CCNJL: variants seen among roughly 807,000 people sequenced by gnomAD.
CCNJL encodes the protein cyclin J like, also known as cyclin-J-like protein.
Under a neutral mutation model 33.4 loss-of-function variants are expected in CCNJL, and 33 were observed. The observed-to-expected ratio is 0.99, with a 90% confidence interval of 0.75 to 1.32. CCNJL has a LOEUF of 1.32. Ranked by LOEUF, CCNJL falls within the 40% of genes most tolerant of loss-of-function variation. The pLI is 0.00. For synonymous variants in CCNJL, 227 were observed against 220.9 expected, an observed-to-expected ratio of 1.03 and a Z score of -0.24; for missense variants, 512 against 499.7, an observed-to-expected ratio of 1.02 and a Z score of -0.23.
rs886680905 is a variant in CCNJL, at chr5:160,250,092, CT to C, written c.*3285del. On this transcript the variant is annotated 3_prime_UTR_variant, in exon 6 of 6. Transcript: ENST00000257536. ...CCTCCAGCATGGGAATTAACACAAT[CT>C]TACATGGGAGTGCCCAAGGGTGGAA... 6.6e-6 allele frequency: 1 copy of C among 152,172 alleles called. No homozygotes were observed. Among genetic ancestry groups the C allele is most frequent in the African/African-American group, 2.4e-5 (1 of 41,450 alleles). 9.4% of individuals were successfully genotyped at this position (152,172 alleles called of 1,614,324 possible).
intron 2 of CCNJL, among the ~76,000 whole-genome samples, chr5:160,309,037 A>G (rs12659739): frequency 0.26 from 39,549 of 152,142 alleles, 5,335 homozygotes; most frequent in South Asian, 0.28. Flanking sequence ...GGAAGGGGTA[A>G]GAGACAAGGT....
intron 2 of CCNJL, among the ~76,000 whole-genome samples, chr5:160,296,785 G>C (rs886826618): frequency 6.6e-6 from 1 of 152,158 alleles, no homozygotes; most frequent in Non-Finnish European, 1.5e-5. Flanking sequence ...CTTCACACCT[G>C]TCTCTGCCTG....
chr5:160,300,347 C>A (rs1431788913), intron 2 of CCNJL, among the ~76,000 whole-genome samples: 1 of 152,138 alleles, frequency 6.6e-6, no homozygotes, highest in African/African-American at 2.4e-5. Context: ...CAGGTCTCAG[C>A]CCAGTTCCGT....
At chr5:160,320,268 T>C (rs1561812230) in intron 1 of CCNJL, among the ~76,000 whole-genome samples, 1 of 152,196 alleles carries the variant, frequency 6.6e-6, no homozygotes, top group Non-Finnish European at 1.5e-5. Flanking sequence ...CTTTGGAGCC[T>C]GAAGCAAGCT....
intron 2 of CCNJL, among the ~76,000 whole-genome samples, chr5:160,292,420 G>C (rs1762616183): frequency 6.6e-6 from 1 of 152,116 alleles, no homozygotes; most frequent in Non-Finnish European, 1.5e-5. Context: ...CCAGGAGTTT[G>C]AGACCAGCCT....
Position 160,259,716 on chromosome 5 carries a change from C to T in CCNJL, c.336G>A (p.Thr112=), listed in dbSNP as rs745545453. 2.0e-5 allele frequency: 32 copies of T among 1,613,870 alleles called. No individual in the cohort carries two copies. Among genetic ancestry groups the T allele is most frequent in the South Asian group, 6.6e-5 (6 of 91,060 alleles). Residue 112 remains threonine (T), a synonymous_variant, in exon 4 of 6, where the codon ACG becomes ACA. Transcript: ENST00000257536. ...TGAAGTTCTGGCTGCTCAGGATCCT[C>T]GTGCTGTTTATTTGCTCCAACTTGG... ...HVPKLEQINS[T]RILSSQNFTL...
chr5:160,257,655 A>C (rs1002568146), intron 4 of CCNJL, among the ~76,000 whole-genome samples: 1 of 147,270 alleles, frequency 6.8e-6, no homozygotes, highest in African/African-American at 2.5e-5. Context: ...CTCCACAAAA[A>C]GGAAAAAAAA....
rs1763439271 is a variant in CCNJL at position 160,320,850 on chromosome 5, C to CTCTTTCTTTCTTTCTTTCCTTCTTTCT, written n.207-5346_207-5345insAGAAAGAAGGAAAGAAAGAAAGAAAGA. 2.3e-3 allele frequency among the ~76,000 whole-genome samples: 130 copies of CTCTTTCTTTCTTTCTTTCCTTCTTTCT among 55,586 alleles called. 1 individual carries two copies. The highest frequency in any genetic ancestry group is 7.4e-3 in the African/African-American group (124 of 16,850). The allele number at this position is 55,586 out of a possible 152,430, so 36.5% of individuals were successfully genotyped here. On this transcript the variant is annotated intron_variant and non_coding_transcript_variant, in intron 1 of 7. Coordinates refer to the CCNJL transcript ENST00000377503. ...CTTTCTTTCTTTCTTTCTTTCTTTCCTTCTTTCTTTCTTTCTTTCTCTCTT... is the reference window on the plus strand; with the variant it reads ...CTTTCTTTCTTTCTTTCTTTCTTTCCTCTTTCTTTCTTTCTTTCCTTCTTTCTTTCTTTCTTTCTTTCTTTCTCTCTT...
chr5:160,286,724 C>G (rs1762418760), intron 2 of CCNJL, among the ~76,000 whole-genome samples: 1 of 152,128 alleles, frequency 6.6e-6, no homozygotes, highest in Non-Finnish European at 1.5e-5. Context: ...TTAGTAGGTA[C>G]AGCGTGCTGG....
chr5:160,267,965 G>GC (rs1561780219), intron 3 of CCNJL, among the ~76,000 whole-genome samples: 1 of 152,190 alleles, frequency 6.6e-6, no homozygotes, highest in East Asian at 1.9e-4. Flanking sequence ...ACAGGACTTA[G>GC]TTTTTTCTTC....
intron 2 of CCNJL, among the ~76,000 whole-genome samples, chr5:160,305,680 T>A (rs17057624): frequency 0.16 from 24,950 of 152,258 alleles, 2,204 homozygotes; most frequent in Non-Finnish European, 0.19. Flanking sequence ...TGGATATTTT[T>A]AAAATGAATT....
At position 160,249,543 on chromosome 5, in the gene CCNJL, G is replaced by A. The variant is rs1760750672; in HGVS notation, c.*3835C>T. The A allele has an allele frequency of 6.6e-6, 1 of 152,040 alleles. No homozygotes were observed. Among genetic ancestry groups the A allele is most frequent in the South Asian group, 2.1e-4 (1 of 4,824 alleles). The allele number at this position is 152,040 out of a possible 1,614,324, so 9.4% of individuals were successfully genotyped here. On this transcript the variant is annotated 3_prime_UTR_variant, in exon 6 of 6. Transcript: ENST00000257536. ...TTTGGGAGGCCGAGGCAGTCAGATT[G>A]CTTGAGCTCAGGAGTCTGAGACCAG... is the stretch of plus-strand genomic sequence containing the variant.
At chr5:160,276,698 A>C (rs755869001) in intron 3 of CCNJL, among the ~76,000 whole-genome samples, 2 of 152,100 alleles carry the variant, frequency 1.3e-5, no homozygotes, top group Non-Finnish European at 2.9e-5. Flanking sequence ...AAGTAGAGAG[A>C]GCGTGAAGGT....
At chr5:160,311,283 A>G (rs1763253246) in intron 2 of CCNJL, among the ~76,000 whole-genome samples, 1 of 152,178 alleles carries the variant, frequency 6.6e-6, no homozygotes, top group South Asian at 2.1e-4. Context: ...TCTTTCAATT[A>G]TACAGGTGTT....
At chr5:160,330,268 C>T (rs1763588966) in intron 1 of CCNJL, among the ~76,000 whole-genome samples, 2 of 152,186 alleles carry the variant, frequency 1.3e-5, no homozygotes, top group Non-Finnish European at 2.9e-5. Context: ...GAAGTCCAGG[C>T]TCCTCACCAG....
chr5:160,312,267 T>C (rs780468733), intron 1 of CCNJL, 97 bp downstream of exon 1: 41 of 351,600 alleles, frequency 1.2e-4, no homozygotes, highest in Non-Finnish European at 1.9e-4. Flanking sequence ...GCTGGGGCTC[T>C]GGCGGCGGCC....
intron 1 of CCNJL, among the ~76,000 whole-genome samples, chr5:160,331,113 C>T (rs940581164): frequency 1.3e-5 from 2 of 152,186 alleles, no homozygotes; most frequent in African/African-American, 4.8e-5. Flanking sequence ...TCCAATAACT[C>T]CTCGACCACT....
chr5:160,319,954 A>G (rs1370543728), intron 1 of CCNJL, among the ~76,000 whole-genome samples: 1 of 152,024 alleles, frequency 6.6e-6, no homozygotes, highest in East Asian at 1.9e-4. Flanking sequence ...ATAAATAAAT[A>G]AACGATGGAT....
intron 4 of CCNJL, among the ~76,000 whole-genome samples, chr5:160,256,245 C>T (rs950302060): frequency 1.3e-5 from 2 of 152,210 alleles, no homozygotes; most frequent in Admixed American, 1.3e-4. Context: ...CTGTCCACGG[C>T]TCCCAGGGAG....
Sources: gnomAD v4.1 joint callset for allele counts (sites outside exome capture counted in the v4.1 genomes callset) on GRCh38, gnomAD v4.1.1 for gene constraint, MANE v1.5 for transcripts, NCBI Gene and HGNC (gene_info 2026-07-23, HGNC 2026-07-21) for gene names.